The following SHANK2 variants were observed in gnomAD, a reference collection of about 807,000 sequenced individuals.
SHANK2 encodes the protein SH3 and multiple ankyrin repeat domains protein 2.
SHANK2 carries 43 observed loss-of-function variants against 133.7 expected under a neutral mutation model. The ratio of observed to expected loss-of-function variants is 0.32; its 90% CI spans 0.25 to 0.41. The LOEUF is 0.41. Ranked by LOEUF, SHANK2 falls within the 10% of genes least tolerant of loss-of-function variation. The pLI, the probability that SHANK2 is intolerant of heterozygous loss-of-function variation, is 1.00. For missense variants in SHANK2, 1,994 were observed against 2,235.8 expected, an observed-to-expected ratio of 0.89 and a Z score of 2.18; for synonymous variants, 1,017 against 952.8, an observed-to-expected ratio of 1.07 and a Z score of -1.24.
At chr11:70,477,050 G>T (rs1681152532) in intron 25 of SHANK2, among the ~76,000 whole-genome samples, 1 of 152,216 alleles carries the variant, frequency 6.6e-6, no homozygotes, top group African/African-American at 2.4e-5. Flanking sequence ...TGTGTGTGTG[G>T]TTAGGAAGCG....
intron 14 of SHANK2, among the ~76,000 whole-genome samples, chr11:70,720,763 A>G (rs1025618897): frequency 6.6e-6 from 1 of 152,232 alleles, no homozygotes; most frequent in Non-Finnish European, 1.5e-5. Context: ...ACACACATTC[A>G]TGTAGCACAC....
At chr11:70,844,224 C>G (rs1948960062) in intron 11 of SHANK2, among the ~76,000 whole-genome samples, 1 of 152,212 alleles carries the variant, frequency 6.6e-6, no homozygotes, top group South Asian at 2.1e-4. Context: ...CATTAATACT[C>G]TGCTTAAAAA....
chr11:71,078,218 A>G (rs1951246825), intron 8 of SHANK2, among the ~76,000 whole-genome samples: 1 of 151,772 alleles, frequency 6.6e-6, no homozygotes, highest in Admixed American at 6.6e-5. Context: ...AGGACACAGG[A>G]GCCATCCTGA....
At chr11:70,510,781 C>G (rs115500453) in intron 17 of SHANK2, among the ~76,000 whole-genome samples, 3,135 of 152,312 alleles carry the variant, frequency 0.021, 29 homozygotes, top group South Asian at 0.068. Flanking sequence ...GCTGGGCACA[C>G]AAAGGGTGGA....
rs114801948 is a variant in SHANK2, at chr11:70,844,357, G to A, written c.1175-23675C>T. 7.2e-3 allele frequency among the ~76,000 whole-genome samples: 1,099 copies of A among 151,890 alleles called. 15 individuals are homozygous for A. The highest frequency in any genetic ancestry group is 0.024 in the African/African-American group (995 of 41,456). ...GTTTTTCCATTTGGGTTGGGGGGCC[G>A]GGGGCGGGGCATGAAAATCTCTCCC... is the stretch of plus-strand genomic sequence containing the variant. On this transcript the variant is annotated intron_variant, in intron 11 of 25. Transcript: ENST00000601538.
chr11:71,173,516 C>T (rs1456223347), intron 2 of SHANK2, among the ~76,000 whole-genome samples: 2 of 152,182 alleles, frequency 1.3e-5, no homozygotes, highest in African/African-American at 2.4e-5. Flanking sequence ...ATGAACCAGG[C>T]GAATGTCCCC....
At chr11:70,702,154 T>C (rs1945538879) in intron 14 of SHANK2, among the ~76,000 whole-genome samples, 1 of 143,278 alleles carries the variant, frequency 7.0e-6, no homozygotes, top group Non-Finnish European at 1.5e-5. Flanking sequence ...TTCTTCACCA[T>C]CATCACCAAC....
At chr11:70,897,711 G>A (rs1267979965) in intron 10 of SHANK2, among the ~76,000 whole-genome samples, 1 of 152,126 alleles carries the variant, frequency 6.6e-6, no homozygotes, top group Non-Finnish European at 1.5e-5. Context: ...GGTAAGGTAG[G>A]GTGGGTGATT....
intron 14 of SHANK2, among the ~76,000 whole-genome samples, chr11:70,756,821 C>T (rs1037788724): frequency 2.6e-5 from 4 of 152,212 alleles, no homozygotes; most frequent in Admixed American, 6.5e-5. Context: ...AACGTGTCCT[C>T]TAAGCTCACC....
intron 10 of SHANK2, among the ~76,000 whole-genome samples, chr11:70,928,871 A>G (rs549958969): frequency 6.6e-6 from 1 of 152,236 alleles, no homozygotes; most frequent in South Asian, 2.1e-4. Context: ...AGATGCACAC[A>G]CTGAAGAACG....
chr11:70,591,786 G>A (rs2060324998), intron 17 of SHANK2, among the ~76,000 whole-genome samples: 1 of 152,180 alleles, frequency 6.6e-6, no homozygotes, highest in African/African-American at 2.4e-5. Flanking sequence ...GGAGGCCAAG[G>A]AGGGTGGATC....
At chr11:70,537,775 C>T (rs544489058) in intron 17 of SHANK2, among the ~76,000 whole-genome samples, 4 of 152,340 alleles carry the variant, frequency 2.6e-5, no homozygotes, top group African/African-American at 7.2e-5. Context: ...GTCAGCTCTG[C>T]GGAGGGGACC....
intron 10 of SHANK2, among the ~76,000 whole-genome samples, chr11:70,918,324 C>T (rs890649858): frequency 7.2e-5 from 11 of 152,156 alleles, no homozygotes; most frequent in African/African-American, 2.2e-4. Flanking sequence ...ACCCTCTCCA[C>T]GGAGAGAGGC....
chr11:70,728,577 T>C (rs1404277000), intron 14 of SHANK2, among the ~76,000 whole-genome samples: 4 of 152,196 alleles, frequency 2.6e-5, no homozygotes, highest in Non-Finnish European at 2.9e-5. Context: ...TTGAGTCCGA[T>C]GGACAGAGAT....
At chr11:70,528,715 G>A (rs1186264573) in intron 17 of SHANK2, among the ~76,000 whole-genome samples, 2 of 152,002 alleles carry the variant, frequency 1.3e-5, no homozygotes, top group Non-Finnish European at 1.5e-5. Context: ...CGGCTCCCCA[G>A]GGGCATGGAA....
chr11:71,137,570 A>T (rs1952470031), intron 3 of SHANK2, among the ~76,000 whole-genome samples: 1 of 152,094 alleles, frequency 6.6e-6, no homozygotes, highest in Non-Finnish European at 1.5e-5. Flanking sequence ...AGCCGCTAAC[A>T]GAAGTTCTAT....
intron 17 of SHANK2, among the ~76,000 whole-genome samples, chr11:70,539,956 C>T (rs2059597565): frequency 6.6e-6 from 1 of 152,106 alleles, no homozygotes; most frequent in Non-Finnish European, 1.5e-5. Flanking sequence ...GTGTCCCTGG[C>T]TTGGAGGAGC....
rs1227995427 is a variant in SHANK2, at chr11:70,473,553, G to C, written c.4980-114C>G. ...CGCCCAAACCATGCCAGAGTGTCTA[G>C]TGGCAGATCCACTGGCAGTGAACGA... On this transcript the variant is annotated intron_variant, in intron 25 of 25. Transcript: ENST00000601538. This position sits in a 1 kb window ranked among gnomAD's most constrained non-coding sequence, Gnocchi z 5.9. 2.0e-6 allele frequency: 2 copies of C among 1,014,216 alleles called. No individual in the cohort carries two copies. The highest frequency in any genetic ancestry group is 3.2e-5 in the African/African-American group (2 of 63,250). The allele number at this position is 1,014,216 out of a possible 1,614,324, so 62.8% of individuals were successfully genotyped here.
chr11:70,547,363 C>T (rs1019237736), intron 17 of SHANK2, among the ~76,000 whole-genome samples: 6 of 152,218 alleles, frequency 3.9e-5, no homozygotes, highest in Non-Finnish European at 5.9e-5. Context: ...TGGGTTCAAG[C>T]GATTCTCCTG....
Sources: allele counts gnomAD v4.1 joint callset (sites outside exome capture counted in the v4.1 genomes callset), GRCh38; gene constraint gnomAD v4.1.1; non-coding constraint Gnocchi (gnomAD v3.1); transcripts MANE v1.5; gene names NCBI Gene and HGNC (gene_info 2026-07-23, HGNC 2026-07-21).